Variants in ARHGAP30 observed in about 807,000 individuals in gnomAD.
ARHGAP30 encodes the protein rho GTPase-activating protein 30.
Under a neutral mutation model 72.0 loss-of-function variants are expected in ARHGAP30, and 23 were observed. That is an observed-to-expected ratio of 0.32 (90% confidence interval 0.23 to 0.45). The LOEUF (loss-of-function observed/expected upper bound fraction) is 0.45, where lower values mean the gene tolerates loss of function less well. ARHGAP30 is among the 20% of genes least tolerant of loss of function. The probability of loss-of-function intolerance (pLI) is 1.00; values close to 1 mark genes in which losing one functional copy is unlikely to be tolerated. For synonymous variants in ARHGAP30, 576 were observed against 528.2 expected (o/e 1.09, Z -1.24); for missense variants, 1,319 against 1,383.4 (o/e 0.95, Z 0.74).
rs773830868 is a variant in ARHGAP30 at position 161,052,463 on chromosome 1, A to T, written c.917T>A (p.Leu306His). ...GRSGHETKRK[L>H]PRGAEDREDK... ...ACCCCTGTCCTCAGCCCCCCGTGGA[A>T]GTTTACGCTTAGTCTCATGGCCAGA... is the stretch of plus-strand genomic sequence containing the variant. The change falls in exon 8 of 12, where the codon CTT becomes CAT. Residue 306 changes from leucine (L) to histidine (H), a missense_variant. Transcript: ENST00000368013. 1.5e-5 allele frequency: 25 copies of T among 1,613,490 alleles called. No individual in the cohort carries two copies. Among genetic ancestry groups the T allele is most frequent in the Non-Finnish European group, 2.1e-5 (25 of 1,179,900 alleles).
chr1:161,048,098 G>C lies in ARHGAP30; in HGVS notation c.2923C>G (p.Pro975Ala). ...CPRPGRLDGT[P>A]GERAWGSRAS... ...CGGGACCCCCAAGCCCTTTCTCCAG[G>C]AGTCCCATCAAGCCGGCCAGGCCTC... is the stretch of plus-strand genomic sequence containing the variant. Residue 975 changes from proline (P) to alanine (A), a missense_variant, in exon 12 of 12, where the codon CCT (proline) becomes GCT (alanine). Around this residue, in one of 2 missense-constraint regions of ARHGAP30, gnomAD observed 1,097 missense variants for 1,045.2 expected, o/e 1.05. Transcript: ENST00000368013. 1 of 1,614,160 alleles carries C rather than the reference G, an allele frequency of 6.2e-7. No individual in the cohort carries two copies. Among genetic ancestry groups the C allele is most frequent in the Non-Finnish European group, 8.5e-7 (1 of 1,180,014 alleles).
At position 161,051,412 on chromosome 1, in the gene ARHGAP30, G is replaced by C. The variant is rs1389195220; in HGVS notation, c.1322C>G (p.Ala441Gly). The change falls in exon 10 of 12, where the codon GCC becomes GGC. Residue 441 changes from alanine to glycine, a missense_variant. By Grantham distance (60) the Ala-to-Gly change is moderately conservative (BLOSUM62 0). Transcript: ENST00000368013. ...GCACTCAAGGCCACGGGTGAGCCTG[G>C]CCAAGGAAACGTTAGAGATGATGTT... ...PPNIISNVSL[A>G]RLTRGLECPA... 2 of 1,614,182 alleles carry C rather than the reference G, an allele frequency of 1.2e-6. No individual in the cohort carries two copies. Among genetic ancestry groups the C allele is most frequent in the Non-Finnish European group, 1.7e-6 (2 of 1,180,036 alleles).
intron 5 of ARHGAP30, 126 bp from the exon 6 acceptor site, chr1:161,053,511 G>A (rs1175617273): frequency 2.1e-5 from 19 of 899,888 alleles, no homozygotes; most frequent in Non-Finnish European, 2.8e-5. Flanking sequence ...TCTCTCGAAT[G>A]ACCTTAACCC....
intron 5 of ARHGAP30, 115 bp downstream of exon 5, chr1:161,054,251 G>A: frequency 1.1e-6 from 1 of 927,548 alleles, no homozygotes; most frequent in Non-Finnish European, 1.7e-6. Flanking sequence ...ACTGGGCTTT[G>A]TGAGCCCTAC....
Position 161,048,466 on chromosome 1 carries a change from C to G in ARHGAP30, c.2555G>C (p.Gly852Ala). 1.9e-6 allele frequency: 3 copies of G among 1,614,180 alleles called. No homozygotes were observed. Among genetic ancestry groups the G allele is most frequent in the Non-Finnish European group, 2.5e-6 (3 of 1,180,024 alleles). Residue 852 changes from glycine (G) to alanine (A), a missense_variant, in exon 12 of 12, where the codon GGA (glycine) becomes GCA (alanine). By Grantham distance (60) the Gly-to-Ala change is moderately conservative. This residue lies in a region of ARHGAP30 where 1,097 missense variants were observed against 1,045.2 expected (regional missense o/e 1.05). Coordinates refer to ENST00000368013, the MANE Select transcript of ARHGAP30 (RefSeq NM_001025598.2). ...DGEAEGDQRAGGYYLEEDTLS... is the reference protein window; with the variant it reads ...DGEAEGDQRAAGYYLEEDTLS... ...GGTGTCCTCTTCTAAATAGTACCCT[C>G]CAGCCCTCTGGTCTCCCTCAGCCTC...
At position 161,048,454 on chromosome 1, in the gene ARHGAP30, A is replaced by G; in HGVS notation, c.2567T>C (p.Leu856Ser). 2 of 1,614,056 alleles carry G rather than the reference A, an allele frequency of 1.2e-6. No individual in the cohort carries two copies. Among genetic ancestry groups the G allele is most frequent in the Non-Finnish European group, 1.7e-6 (2 of 1,180,014 alleles). Residue 856 changes from leucine to serine, a missense_variant, in exon 12 of 12, where the codon TTA becomes TCA. Around this residue, in one of 2 missense-constraint regions of ARHGAP30, gnomAD observed 1,097 missense variants for 1,045.2 expected, o/e 1.05. Coordinates refer to ENST00000368013, the MANE Select transcript of ARHGAP30 (RefSeq NM_001025598.2). ...EGDQRAGGYY[L>S]EEDTLSEGSG... ...ACCTTCAGAGAGGGTGTCCTCTTCT[A>G]AATAGTACCCTCCAGCCCTCTGGTC...
chr1:161,062,591 TG>T (rs769120952), intron 1 of ARHGAP30, among the ~76,000 whole-genome samples: 1 of 151,772 alleles, frequency 6.6e-6, no homozygotes, highest in Non-Finnish European at 1.5e-5. Flanking sequence ...TAGCCTGATG[TG>T]GTGGCATGTG....
Position 161,052,611 on chromosome 1 carries a change from G to A in ARHGAP30, c.836+15C>T. 6.2e-7 allele frequency: 1 copy of A among 1,613,810 alleles called. No homozygotes were observed. Among genetic ancestry groups the A allele is most frequent in the African/African-American group, 1.3e-5 (1 of 75,046 alleles). The stretch of plus-strand genomic sequence containing the variant: ...GGTCGGTGCAGGGGAGGAAGGCCCA[G>A]GAAGGAGGCCTTACTTGTGCTCTGC... On this transcript the variant is annotated intron_variant, in intron 7 of 11. Coordinates refer to ENST00000368013, the MANE Select transcript of ARHGAP30 (RefSeq NM_001025598.2).
intron 2 of ARHGAP30, among the ~76,000 whole-genome samples, chr1:161,059,412 T>C (rs952916824): frequency 3.3e-5 from 5 of 151,748 alleles, no homozygotes; most frequent in Non-Finnish European, 7.4e-5. Flanking sequence ...TGTGTGTGTG[T>C]GCTAAGTTGG....
chr1:161,066,285 C>T (rs116732625), intron 1 of ARHGAP30, among the ~76,000 whole-genome samples: 6 of 149,668 alleles, frequency 4.0e-5, no homozygotes, highest in Non-Finnish European at 1.5e-5. Flanking sequence ...TTTAAGGAAG[C>T]ACTTATTCTC....
chr1:161,054,261 C>A, intron 5 of ARHGAP30, 105 bp downstream of exon 5: 1 of 1,043,542 alleles, frequency 9.6e-7, no homozygotes, highest in East Asian at 2.6e-5. Flanking sequence ...GTGAGCCCTA[C>A]ACCCTTCTCC....
intron 10 of ARHGAP30, among the ~76,000 whole-genome samples, chr1:161,049,956 A>G (rs1651230251): frequency 1.3e-5 from 2 of 152,210 alleles, no homozygotes; most frequent in South Asian, 2.1e-4. Context: ...CTCATTTTAC[A>G]TATGAGGAAA....
intron 1 of ARHGAP30, among the ~76,000 whole-genome samples, chr1:161,064,249 C>G (rs1192794855): frequency 2.6e-5 from 4 of 152,322 alleles, no homozygotes; most frequent in Middle Eastern, 3.4e-3. Context: ...TGTACTCTGT[C>G]CTTTTATTTC....
intron 10 of ARHGAP30, among the ~76,000 whole-genome samples, chr1:161,050,480 A>T (rs867434524): frequency 2.0e-5 from 3 of 149,772 alleles, no homozygotes; most frequent in South Asian, 4.2e-4. Flanking sequence ...TTTTTTTTTA[A>T]TTTTTTTTAG....
rs1431509449 is a variant in ARHGAP30, at chr1:161,048,376, G to A, written c.2645C>T (p.Ser882Phe). 7.4e-6 allele frequency: 12 copies of A among 1,614,024 alleles called. No individual in the cohort carries two copies. The African/African-American group carries it at 1.1e-4, about 14-fold the overall frequency. ...TGGGGCTACCTCTTCCATCTCAGAA[G>A]AGTGAGGATTGCCCTCTTTGGCACA... ...VDCAKEGNPHSSEMEEVAPQP... is the reference protein window; with the variant it reads ...VDCAKEGNPHFSEMEEVAPQP... The change falls in exon 12 of 12, where the codon TCT becomes TTT. Residue 882 changes from serine (S) to phenylalanine (F), a missense_variant. Physicochemically the swap from Ser to Phe is radical, Grantham distance 155. Transcript: ENST00000368013.
At position 161,051,473 on chromosome 1, in the gene ARHGAP30, G is replaced by A; in HGVS notation, c.1261C>T (p.Pro421Ser). 1 of 1,614,252 alleles carries A rather than the reference G, an allele frequency of 6.2e-7. No individual in the cohort carries two copies. Among genetic ancestry groups the A allele is most frequent in the East Asian group, 2.2e-5 (1 of 44,896 alleles). The part of the protein sequence containing the change: ...HISDPYNVNL[P>S]LHITSILSVP... ...CTGAGGATAGAGGTGATGTGTAGCG[G>A]GAGGTTGACATTGTAGGGGTCTGAG... The change falls in exon 10 of 12, where the codon CCG becomes TCG. Residue 421 changes from proline (P) to serine (S), a missense_variant. Pro to Ser is a moderately conservative substitution (Grantham distance 74). This residue lies in a region of ARHGAP30 where 1,097 missense variants were observed against 1,045.2 expected (regional missense o/e 1.05). Transcript: ENST00000368013.
Position 161,049,445 on chromosome 1 carries a change from C to T in ARHGAP30, c.1665G>A (p.Glu555=). The change falls in exon 11 of 12, where the codon GAG becomes GAA. Residue 555 remains glutamate, a synonymous_variant. Coordinates refer to ENST00000368013, the MANE Select transcript of ARHGAP30 (RefSeq NM_001025598.2). ...TTACCTGAGGCCCAACTCCCAGGAG[C>T]TCCTCCAGGTAGCCCATCCCAGGGT... ...EDDPGMGYLE[E]LLGVGPQVEE... 6.2e-7 allele frequency: 1 copy of T among 1,611,512 alleles called. No homozygotes were observed. Among genetic ancestry groups the T allele is most frequent in the Non-Finnish European group, 8.5e-7 (1 of 1,178,448 alleles).
rs1651496605 is a variant in ARHGAP30 at position 161,052,670 on chromosome 1, T to G, written c.792A>C (p.Pro264=). 1 of 1,613,774 alleles carries G rather than the reference T, an allele frequency of 6.2e-7. No homozygotes were observed. The change falls in exon 7 of 12, where the codon CCA becomes CCC. Residue 264 remains proline, a synonymous_variant. Transcript: ENST00000368013. ...TGATAGTATGGTAGGGCCGCATCTG[T>G]GGGGGTCCATCGCCAGCCTGCAGTA... ...PSILQAGDGP[P]QMRPYHTIIE...
At chr1:161,056,004 G>GA (rs1651853347) in intron 3 of ARHGAP30, among the ~76,000 whole-genome samples, 1 of 151,924 alleles carries the variant, frequency 6.6e-6, no homozygotes, top group South Asian at 2.1e-4. Flanking sequence ...AGGCATCCTT[G>GA]AAAAAATTTT....
Sources: allele counts gnomAD v4.1 joint callset (sites outside exome capture counted in the v4.1 genomes callset), GRCh38; gene constraint gnomAD v4.1.1; regional missense constraint gnomAD v4.1.1; transcripts MANE v1.5; gene names NCBI Gene and HGNC (gene_info 2026-07-23, HGNC 2026-07-21).